CYB5R4: variants seen among roughly 807,000 people sequenced by gnomAD.
CYB5R4 encodes cytochrome b5 reductase 4.
Under a neutral mutation model 70.2 loss-of-function variants are expected in CYB5R4, and 55 were observed. The ratio of observed to expected loss-of-function variants is 0.78; its 90% CI spans 0.63 to 0.98. CYB5R4 has a LOEUF of 0.98. CYB5R4 is among the 50% of genes least tolerant of loss of function. CYB5R4 has a pLI of 0.00. For synonymous variants in CYB5R4, 197 were observed against 199.5 expected, an observed-to-expected ratio of 0.99 and a Z score of 0.11; for missense variants, 562 against 612.6, an observed-to-expected ratio of 0.92 and a Z score of 0.87.
At chr6:83,958,288 A>T (rs760950578) in intron 15 of CYB5R4, among the ~76,000 whole-genome samples, 1 of 152,240 alleles carries the variant, frequency 6.6e-6, no homozygotes, top group Non-Finnish European at 1.5e-5. Context: ...ATCTAGTGGT[A>T]GAAACAAATG....
chr6:83,872,656 A>G (rs552841258), intron 2 of CYB5R4, among the ~76,000 whole-genome samples: 5 of 152,342 alleles, frequency 3.3e-5, no homozygotes, highest in African/African-American at 1.2e-4. Context: ...ATGATCACAG[A>G]AACTTCAACC....
At position 83,921,305 on chromosome 6, in the gene CYB5R4, G is replaced by T; in HGVS notation, c.658+130G>T. On this transcript the variant is annotated intron_variant, in intron 8 of 15. Coordinates refer to ENST00000369681, the MANE Select transcript of CYB5R4 (RefSeq NM_016230.4). Reference sequence around the variant, plus strand: ...CATTTTGGTTTGTCATTTTTGATCAGTTTTTTTCCTGTAATTTCTTTACAC... The same window carrying T: ...CATTTTGGTTTGTCATTTTTGATCATTTTTTTTCCTGTAATTTCTTTACAC... 4 of 805,786 alleles carry T rather than the reference G, an allele frequency of 5.0e-6. No individual in the cohort carries two copies. The South Asian group carries it at 8.9e-5, about 18-fold the overall frequency. The allele number at this position is 805,786 out of a possible 1,614,324, so 49.9% of individuals were successfully genotyped here. A position where few individuals can be genotyped will look rare whatever the true frequency, so the allele number is the denominator to read the frequency against.
At position 83,880,604 on chromosome 6, in the gene CYB5R4, AT is replaced by A. The variant is rs978716219; in HGVS notation, c.230-12909del. Among the ~76,000 whole-genome samples, 5 of 151,512 alleles carry A rather than the reference AT, an allele frequency of 3.3e-5. No homozygotes were observed. The East Asian group carries it at 5.8e-4, about 18-fold the overall frequency. ...CTAGTCTCCCTAGGAGAAGTTTATAATTTTTTTTTCAAAACATTTAGTATGT... is the reference window on the plus strand; with the variant it reads ...CTAGTCTCCCTAGGAGAAGTTTATAATTTTTTTTCAAAACATTTAGTATGT... On this transcript the variant is annotated intron_variant, in intron 2 of 15. Transcript: ENST00000369681.
At position 83,959,891 on chromosome 6, in the gene CYB5R4, A is replaced by G. The variant is rs746843205; in HGVS notation, c.*13A>G. On this transcript the variant is annotated 3_prime_UTR_variant, in exon 16 of 16. Transcript: ENST00000369681. ...TTTTACAGCATAATGAAGAGCTGTC[A>G]TTGTCCTTTATTCAACTAGTTTATC... 3.2e-6 allele frequency: 5 copies of G among 1,579,710 alleles called. No individual in the cohort carries two copies. The African/African-American group carries it at 4.1e-5, about 13-fold the overall frequency.
At chr6:83,924,142 C>CTTTTTTTTT (rs35960110) in intron 9 of CYB5R4, among the ~76,000 whole-genome samples, 2 of 129,926 alleles carry the variant, frequency 1.5e-5, no homozygotes, top group African/African-American at 6.1e-5. Context: ...ACATCTCAAC[C>CTTTTTTTTT]TTTTTTTTTT....
At chr6:83,912,439 T>C (rs2099464849) in intron 4 of CYB5R4, among the ~76,000 whole-genome samples, 1 of 151,282 alleles carries the variant, frequency 6.6e-6, no homozygotes, top group Non-Finnish European at 1.5e-5. Context: ...TTCCAGGGTA[T>C]CCTCCTGTGC....
chr6:83,954,880 G>T (rs534426019), intron 14 of CYB5R4, among the ~76,000 whole-genome samples: 2 of 150,942 alleles, frequency 1.3e-5, no homozygotes, highest in Non-Finnish European at 3.0e-5. Context: ...ACCTGGCTAA[G>T]TTTAAACAGT....
chr6:83,922,520 C>T (rs752343282), intron 9 of CYB5R4, 50 bp downstream of exon 9: 5 of 1,308,296 alleles, frequency 3.8e-6, no homozygotes, highest in Non-Finnish European at 5.4e-6. Context: ...TATACACATA[C>T]CTACAGAGAG....
chr6:83,910,700 A>G (rs1038694194), intron 4 of CYB5R4, among the ~76,000 whole-genome samples: 12 of 152,194 alleles, frequency 7.9e-5, no homozygotes, highest in African/African-American at 2.9e-4. Context: ...AGGAATCGTA[A>G]TCCCTCTGAT....
chr6:83,889,123 C>T (rs2099460716), intron 2 of CYB5R4, among the ~76,000 whole-genome samples: 1 of 152,170 alleles, frequency 6.6e-6, no homozygotes, highest in Non-Finnish European at 1.5e-5. Context: ...AATAAGCCAC[C>T]TTCATAACTT....
At chr6:83,902,391 A>T (rs527244499) in intron 3 of CYB5R4, among the ~76,000 whole-genome samples, 1 of 152,060 alleles carries the variant, frequency 6.6e-6, no homozygotes, top group Non-Finnish European at 1.5e-5. Context: ...GTCTAGTTTC[A>T]TACCAATACT....
At chr6:83,944,424 TC>T (rs1245506343) in intron 14 of CYB5R4, among the ~76,000 whole-genome samples, 2 of 152,026 alleles carry the variant, frequency 1.3e-5, no homozygotes, top group African/African-American at 4.8e-5. Context: ...TTACAAGAGT[TC>T]CTGAAGGAAG....
chr6:83,945,268 C>T (rs750011799), intron 14 of CYB5R4, among the ~76,000 whole-genome samples: 2 of 152,178 alleles, frequency 1.3e-5, no homozygotes, highest in African/African-American at 2.4e-5. Context: ...TTAAGAAACT[C>T]ACTCAAAACC....
intron 2 of CYB5R4, among the ~76,000 whole-genome samples, chr6:83,875,518 C>T (rs1488230387): frequency 2.0e-5 from 3 of 152,142 alleles, no homozygotes; most frequent in East Asian, 1.9e-4. Context: ...GTTCCCGATC[C>T]AGACCCCAAG....
intron 2 of CYB5R4, among the ~76,000 whole-genome samples, chr6:83,888,445 T>C (rs9344368): frequency 0.29 from 43,483 of 152,132 alleles, 12,219 homozygotes; most frequent in African/African-American, 0.73. Flanking sequence ...CTGTGTCACA[T>C]TTTGATAGTT....
intron 3 of CYB5R4, among the ~76,000 whole-genome samples, chr6:83,894,520 A>G (rs564788615): frequency 3.0e-4 from 45 of 152,248 alleles, no homozygotes; most frequent in African/African-American, 1.1e-3. Context: ...TTTGTTTTAT[A>G]TAGTTGACCT....
intron 2 of CYB5R4, among the ~76,000 whole-genome samples, chr6:83,877,528 G>A (rs190837675): frequency 6.6e-6 from 1 of 152,056 alleles, no homozygotes; most frequent in East Asian, 1.9e-4. Flanking sequence ...AAGATTACAT[G>A]GTGAGAGAGG....
At chr6:83,932,046 C>T (rs552417641) in intron 10 of CYB5R4, among the ~76,000 whole-genome samples, 2 of 150,268 alleles carry the variant, frequency 1.3e-5, no homozygotes, top group Admixed American at 6.7e-5. Context: ...TGAGAACATG[C>T]GGTGTTTAGT....
At chr6:83,936,083 A>G (rs1445992700) in intron 11 of CYB5R4, 141 bp from the exon 12 acceptor site, 2 of 592,840 alleles carry the variant, frequency 3.4e-6, no homozygotes, top group Non-Finnish European at 2.9e-6. Flanking sequence ...ATATACATAT[A>G]GAAAAATAAT....
Sources: gnomAD v4.1 joint callset for allele counts (sites outside exome capture counted in the v4.1 genomes callset) on GRCh38, gnomAD v4.1.1 for gene constraint, MANE v1.5 for transcripts, NCBI Gene and HGNC (gene_info 2026-07-23, HGNC 2026-07-21) for gene names.